ANK2: variants seen among roughly 807,000 people sequenced by gnomAD.
ANK2 encodes ankyrin-2.
In ANK2, 83 loss-of-function variants were observed where a neutral mutation model predicts 360.5. The ratio of observed to expected loss-of-function variants is 0.23; its 90% CI spans 0.19 to 0.28. The LOEUF is 0.28. Ranked by LOEUF, ANK2 falls within the 10% of genes least tolerant of loss-of-function variation. ANK2 has a pLI of 1.00. For missense variants in ANK2, 4,201 were observed against 4,795.7 expected, an observed-to-expected ratio of 0.88 and a Z score of 3.66; for synonymous variants, 1,740 against 1,759.5, an observed-to-expected ratio of 0.99 and a Z score of 0.28.
chr4:112,803,595 TC>T, the ANK2 span, among the ~76,000 whole-genome samples: 1 of 152,202 alleles, frequency 6.6e-6, no homozygotes, highest in East Asian at 1.9e-4. Context: ...CATCTTGATC[TC>T]AACCCTGTGA....
chr4:113,357,083 C>T lies in ANK2; in HGVS notation c.8465C>T (p.Thr2822Ile). 6.2e-7 allele frequency: 1 copy of T among 1,614,060 alleles called. No individual in the cohort carries two copies. Among genetic ancestry groups the T allele is most frequent in the Non-Finnish European group, 8.5e-7 (1 of 1,179,958 alleles). The change falls in exon 38 of 46, where the codon ACA becomes ATA. Residue 2822 changes from threonine (T) to isoleucine (I), a missense_variant. Around this residue, in one of 4 missense-constraint regions of ANK2, gnomAD observed 2,642 missense variants for 2,714.5 expected, o/e 0.97. Coordinates refer to ENST00000357077, the MANE Select transcript of ANK2 (RefSeq NM_001148.6). ...CTCCAAGGCACTCATGAAAAAGACA[C>T]AGAGGGAGAAGAGCTTGATGTTTCT... ...LALQGTHEKDTEGEELDVSRA... is the reference protein window; with the variant it reads ...LALQGTHEKDIEGEELDVSRA...
intron 1 of ANK2, among the ~76,000 whole-genome samples, chr4:112,891,724 T>G (rs1400655904): frequency 6.6e-6 from 1 of 152,206 alleles, no homozygotes; most frequent in Admixed American, 6.5e-5. Context: ...AATGAGGTTA[T>G]ACATGCATAG....
chr4:113,200,074 GA>G (rs2098808258), intron 4 of ANK2, among the ~76,000 whole-genome samples: 1 of 152,126 alleles, frequency 6.6e-6, no homozygotes, highest in African/African-American at 2.4e-5. Flanking sequence ...TTGAAATTAT[GA>G]TAGATAAGAC....
chr4:113,067,002 C>T (rs1324686454), intron 1 of ANK2, among the ~76,000 whole-genome samples: 1 of 151,852 alleles, frequency 6.6e-6, no homozygotes, highest in East Asian at 1.9e-4. Flanking sequence ...GAAAAACAAG[C>T]AGGACAGGTG....
intron 2 of ANK2, among the ~76,000 whole-genome samples, chr4:113,017,990 G>T (rs994547167): frequency 5.9e-5 from 9 of 152,162 alleles, no homozygotes; most frequent in Non-Finnish European, 8.8e-5. Flanking sequence ...GACTTAATGA[G>T]ATACAAAAAA....
chr4:112,921,576 C>G (rs1053992058), intron 2 of ANK2, among the ~76,000 whole-genome samples: 1 of 152,064 alleles, frequency 6.6e-6, no homozygotes, highest in Non-Finnish European at 1.5e-5. Flanking sequence ...TGGGCTCAAG[C>G]TATCCTCCTG....
At chr4:112,712,124 C>T in the ANK2 span, among the ~76,000 whole-genome samples, 2 of 149,856 alleles carry the variant, frequency 1.3e-5, no homozygotes, top group Non-Finnish European at 3.0e-5. Flanking sequence ...ACTTCGTCCT[C>T]TAGGCTGGAG....
At chr4:112,894,834 C>A (rs1413475623) in intron 1 of ANK2, among the ~76,000 whole-genome samples, 1 of 152,172 alleles carries the variant, frequency 6.6e-6, no homozygotes, top group Non-Finnish European at 1.5e-5. Flanking sequence ...ATGAAACATG[C>A]TTTAGAACAG....
At chr4:113,185,514 T>G (rs1269694645) in intron 2 of ANK2, among the ~76,000 whole-genome samples, 1 of 152,254 alleles carries the variant, frequency 6.6e-6, no homozygotes, top group Non-Finnish European at 1.5e-5. Flanking sequence ...AATGTCTTCT[T>G]TTGAGAAGTG....
the ANK2 span, among the ~76,000 whole-genome samples, chr4:112,717,286 G>T: frequency 6.6e-6 from 1 of 151,986 alleles, no homozygotes; most frequent in Non-Finnish European, 1.5e-5. Context: ...GGGCTTGTGT[G>T]ACCTTTTTTT....
chr4:113,025,820 G>A (rs1413732591), intron 2 of ANK2, among the ~76,000 whole-genome samples: 2 of 152,166 alleles, frequency 1.3e-5, no homozygotes, highest in Non-Finnish European at 2.9e-5. Flanking sequence ...AGATGTAGAG[G>A]TATGGGTAGT....
At chr4:112,735,832 C>G in the ANK2 span, among the ~76,000 whole-genome samples, 1 of 152,072 alleles carries the variant, frequency 6.6e-6, no homozygotes, top group Admixed American at 6.6e-5. Context: ...CACTGAACAG[C>G]TCTCCATTTC....
intron 45 of ANK2, among the ~76,000 whole-genome samples, chr4:113,375,218 T>C (rs1241380031): frequency 6.6e-6 from 1 of 152,238 alleles, no homozygotes; most frequent in African/African-American, 2.4e-5. Context: ...GGAGCTGGTA[T>C]ATGATTATAC....
intron 23 of ANK2, among the ~76,000 whole-genome samples, chr4:113,305,322 A>C (rs1252457327): frequency 4.1e-5 from 5 of 122,262 alleles, no homozygotes; most frequent in Non-Finnish European, 8.1e-5. Context: ...CCTGGGCGAC[A>C]GAGCGAGACT....
At chr4:113,314,992 G>C (rs148667446) in intron 24 of ANK2, among the ~76,000 whole-genome samples, 1,535 of 151,604 alleles carry the variant, frequency 0.01, 19 homozygotes, top group African/African-American at 0.034. Context: ...CTCACTCTCT[G>C]TGTACATATC....
chr4:113,094,844 AT>A (rs2090301612), intron 1 of ANK2, among the ~76,000 whole-genome samples: 1 of 152,142 alleles, frequency 6.6e-6, no homozygotes, highest in South Asian at 2.1e-4. Context: ...GTGTATATTC[AT>A]TTGTGTTTAG....
intron 1 of ANK2, among the ~76,000 whole-genome samples, chr4:113,168,409 A>G (rs750083231): frequency 2.0e-5 from 3 of 152,222 alleles, no homozygotes. Context: ...TATAGAGTTC[A>G]CTTTTATGTC....
At chr4:113,076,872 T>G (rs1490014760) in intron 1 of ANK2, among the ~76,000 whole-genome samples, 1 of 152,110 alleles carries the variant, frequency 6.6e-6, no homozygotes, top group Non-Finnish European at 1.5e-5. Flanking sequence ...AGTGACCATG[T>G]TGCATTTTTT....
intron 2 of ANK2, among the ~76,000 whole-genome samples, chr4:113,039,979 T>G (rs902312228): frequency 6.6e-6 from 1 of 152,048 alleles, no homozygotes; most frequent in African/African-American, 2.4e-5. Flanking sequence ...AACTTATTTT[T>G]AAGCTGGTTT....
Sources: allele counts gnomAD v4.1 joint callset (sites outside exome capture counted in the v4.1 genomes callset), GRCh38; gene constraint gnomAD v4.1.1; regional missense constraint gnomAD v4.1.1; transcripts MANE v1.5; gene names NCBI Gene and HGNC (gene_info 2026-07-23, HGNC 2026-07-21).